Variants in COL2A1 observed in about 807,000 individuals in gnomAD.
The protein encoded by COL2A1 is collagen type II alpha 1 chain.
In COL2A1, 28 loss-of-function variants were observed where a neutral mutation model predicts 204.5. That is an observed-to-expected ratio of 0.14 (90% CI 0.10 to 0.19). The LOEUF is 0.19. Among genes scored for constraint, COL2A1 ranks in the 10% least tolerant of loss-of-function variants. The pLI is 1.00. For synonymous variants in COL2A1, 708 were observed against 718.7 expected (o/e 0.99, Z 0.24); for missense variants, 1,388 against 2,027.5 (o/e 0.68, Z 6.06).
intron 30 of COL2A1, 87 bp downstream of exon 30, chr12:47,983,596 G>T: frequency 6.7e-7 from 1 of 1,482,530 alleles, no homozygotes; most frequent in East Asian, 2.4e-5. Flanking sequence ...AAGAGGTGTG[G>T]GCCCTCCACC....
chr12:47,994,832 TTG>T (rs1216054567), intron 11 of COL2A1, among the ~76,000 whole-genome samples: 4 of 152,266 alleles, frequency 2.6e-5, no homozygotes. Context: ...GTGCCAATTC[TTG>T]TCTCTTCATT....
Position 48,000,049 on chromosome 12 carries a change from G to A in COL2A1, c.162C>T (p.Ile54=). The A allele has an allele frequency of 6.2e-6, 10 of 1,614,046 alleles. No individual in the cohort carries two copies. The highest frequency in any genetic ancestry group is 8.5e-6 in the Non-Finnish European group (10 of 1,179,996). The change falls in exon 2 of 54, where the codon ATC becomes ATT. Residue 54 remains isoleucine (I), a synonymous_variant. Transcript: ENST00000380518. ...GGACAGTCCCAGTGTCACAGACACAGATCCGGCAGGGCTCCGGCTTCCACA... is the reference window on the plus strand; with the variant it reads ...GGACAGTCCCAGTGTCACAGACACAAATCCGGCAGGGCTCCGGCTTCCACA... ...KDVWKPEPCR[I]CVCDTGTVLC...
chr12:47,975,723 G>T, intron 50 of COL2A1, 118 bp from the exon 51 acceptor site: 1 of 1,152,044 alleles, frequency 8.7e-7, no homozygotes, highest in East Asian at 2.5e-5. Flanking sequence ...GTGGGGCGGA[G>T]GTGTAGCAGG....
chr12:48,004,781 G>A (rs1172301332), upstream of COL2A1, among the ~76,000 whole-genome samples: 1 of 152,224 alleles, frequency 6.6e-6, no homozygotes, highest in Non-Finnish European at 1.5e-5. Flanking sequence ...CAGGCGGGAA[G>A]GGTGGCCTCC....
chr12:47,983,199 C>A (rs1939193995), intron 31 of COL2A1, 62 bp from the exon 32 acceptor site: 2 of 1,576,382 alleles, frequency 1.3e-6, no homozygotes, highest in South Asian at 1.1e-5. Context: ...CTGAACAATT[C>A]TCCACAGCAG....
intron 40 of COL2A1, 26 bp from the exon 41 acceptor site, chr12:47,979,590 A>G: frequency 2.1e-6 from 3 of 1,456,786 alleles, no homozygotes; most frequent in Non-Finnish European, 2.8e-6. Flanking sequence ...AGAGCCCCTG[A>G]GAACCTCAAG....
chr12:48,001,841 C>A (rs1940249947), intron 1 of COL2A1, among the ~76,000 whole-genome samples: 2 of 152,200 alleles, frequency 1.3e-5, no homozygotes, highest in South Asian at 4.1e-4. Context: ...AAACGGCTGC[C>A]GATAGCATCC....
intron 52 of COL2A1, 148 bp from the exon 53 acceptor site, chr12:47,974,479 G>GTGGAAA: frequency 7.8e-7 from 1 of 1,288,002 alleles, no homozygotes; most frequent in Non-Finnish European, 1.1e-6. Flanking sequence ...GCTTCCAGGA[G>GTGGAAA]TGGAGCAAGC....
chr12:47,973,372 T>G lies in COL2A1; in HGVS notation c.*35A>C. Reference sequence around the variant, plus strand: ...TGGAAAGTACTTGGGTCCTTTGGGTTTGCAACGGATTGTGTTGTTTCTGGG... The same window carrying G: ...TGGAAAGTACTTGGGTCCTTTGGGTGTGCAACGGATTGTGTTGTTTCTGGG... On this transcript the variant is annotated 3_prime_UTR_variant, in exon 54 of 54. Coordinates refer to ENST00000380518, the MANE Select transcript of COL2A1 (RefSeq NM_001844.5). 6.2e-7 allele frequency: 1 copy of G among 1,614,128 alleles called. No individual in the cohort carries two copies. The highest frequency in any genetic ancestry group is 8.5e-7 in the Non-Finnish European group (1 of 1,180,020).
Position 47,975,710 on chromosome 12 carries a change from T to C in COL2A1, c.3598-105A>G. 4 of 1,271,464 alleles carry C rather than the reference T, an allele frequency of 3.1e-6. No homozygotes were observed. The South Asian group carries it at 5.1e-5, about 16-fold the overall frequency. 78.8% of individuals were successfully genotyped at this position (1,271,464 alleles called of 1,614,324 possible). ...TAGAGTGTCCCTCTTCCCAGCCCCA[T>C]GGGTGGGGCGGAGGTGTAGCAGGCG... On this transcript the variant is annotated intron_variant, in intron 50 of 53. Transcript: ENST00000380518.
chr12:47,994,713 C>T (rs1218163499), intron 11 of COL2A1, among the ~76,000 whole-genome samples: 2 of 152,236 alleles, frequency 1.3e-5, no homozygotes, highest in Non-Finnish European at 2.9e-5. Context: ...CCTCCAACTT[C>T]CCCTGAGAGG....
Position 47,985,602 on chromosome 12 carries a change from G to C in COL2A1, c.1681-15C>G, listed in dbSNP as rs747357161. ...CCAGTGAGACCCTTTGTTCAGGAGA[G>C]AGAAGAGGGTGGGGTCAGGAGCCGG... On this transcript the variant is annotated splice_polypyrimidine_tract_variant and intron_variant, in intron 25 of 53. Coordinates refer to ENST00000380518, the MANE Select transcript of COL2A1 (RefSeq NM_001844.5). 6.2e-7 allele frequency: 1 copy of C among 1,613,948 alleles called. No homozygotes were observed. Among genetic ancestry groups the C allele is most frequent in the South Asian group, 1.1e-5 (1 of 91,076 alleles).
intron 35 of COL2A1, 64 bp from the exon 36 acceptor site, chr12:47,981,893 C>A: frequency 1.3e-6 from 2 of 1,520,604 alleles, no homozygotes; most frequent in Non-Finnish European, 1.8e-6. Flanking sequence ...TGCGGCCCGG[C>A]ACCAAGCCAA....
In COL2A1 at chr12:47,985,253, C is replaced by G. The variant is rs141048693; in HGVS notation, c.1735-160G>C. On this transcript the variant is annotated intron_variant, in intron 26 of 53. Transcript: ENST00000380518. ...ATCACACCCATGGGCCCATCTACAA[C>G]AAGACACCGCTGAGCTTAGAAAGCT... Among the ~76,000 whole-genome samples the G allele has an allele frequency of 1.1e-4, 16 of 152,318 alleles. 1 individual carries two copies. In the East Asian group the frequency reaches 3.1e-3, roughly 29 times the overall value.
In COL2A1 at chr12:47,976,201, G is replaced by T; in HGVS notation, c.3490-131C>A. ...CCCAGTTCTTCACATGCTCAGTCATGGAACCCTAAGTTGGTCTCTATTTGG... is the reference window on the plus strand; with the variant it reads ...CCCAGTTCTTCACATGCTCAGTCATTGAACCCTAAGTTGGTCTCTATTTGG... On this transcript the variant is annotated intron_variant, in intron 49 of 53. Coordinates refer to ENST00000380518, the MANE Select transcript of COL2A1 (RefSeq NM_001844.5). This position sits in a 1 kb window ranked among gnomAD's most constrained non-coding sequence, Gnocchi z 4.3. 1.3e-6 allele frequency: 1 copy of T among 766,544 alleles called. No individual in the cohort carries two copies. The highest frequency in any genetic ancestry group is 2.4e-6 in the Non-Finnish European group (1 of 424,188). The allele number at this position is 766,544 out of a possible 1,614,324, so 47.5% of individuals were successfully genotyped here.
In COL2A1 at chr12:47,977,352, G is replaced by A. The variant is rs753709490; in HGVS notation, c.3241C>T (p.Pro1081Ser). 5 of 1,613,574 alleles carry A rather than the reference G, an allele frequency of 3.1e-6. No homozygotes were observed. The highest frequency in any genetic ancestry group is 2.2e-5 in the East Asian group (1 of 44,898). The change falls in exon 46 of 54, where the codon CCA becomes TCA. Residue 1081 changes from proline (P) to serine (S), a missense_variant. By Grantham distance (74) the Pro-to-Ser change is moderately conservative. Coordinates refer to ENST00000380518, the MANE Select transcript of COL2A1 (RefSeq NM_001844.5). ...GPPGSPGPAG[P>S]TGKQGDRGEA... The stretch of plus-strand genomic sequence containing the variant: ...CCTCTGTCTCCTTGCTTGCCAGTTG[G>A]ACCAGCGGGGCCAGGGGAGCCAGGG...
At position 47,978,857 on chromosome 12, in the gene COL2A1, G is replaced by A. The variant is rs115194627; in HGVS notation, c.2734-99C>T. 5,521 of 1,297,336 alleles carry A rather than the reference G, an allele frequency of 4.3e-3. 159 individuals are homozygous for A. In the African/African-American group the frequency reaches 0.071, roughly 17 times the overall value. 80.4% of individuals were successfully genotyped at this position (1,297,336 alleles called of 1,614,324 possible). A position where few individuals can be genotyped will look rare whatever the true frequency, so the allele number is the denominator to read the frequency against. ...CTCAGTGACAGCAGTTTCCTCTCTG[G>A]GGGCTTCTCTACCTCCCCACACTAA... On this transcript the variant is annotated intron_variant, in intron 41 of 53. Coordinates refer to ENST00000380518, the MANE Select transcript of COL2A1 (RefSeq NM_001844.5). The surrounding 1 kb of genome is among the most constrained non-coding windows in gnomAD (Gnocchi z 5.5).
rs1034707112 is a variant in COL2A1 at position 47,980,514 on chromosome 12, T to G, written c.2625+40A>C. 1 of 1,542,058 alleles carries G rather than the reference T, an allele frequency of 6.5e-7. No homozygotes were observed. Among genetic ancestry groups the G allele is most frequent in the Non-Finnish European group, 8.8e-7 (1 of 1,132,562 alleles). ...CTTCCCATCTGCACGCCAGGAGCCC[T>G]TCCTTGAGGGAACAATTCTTGGAGT... On this transcript the variant is annotated intron_variant, in intron 39 of 53. Coordinates refer to ENST00000380518, the MANE Select transcript of COL2A1 (RefSeq NM_001844.5). This position sits in a 1 kb window ranked among gnomAD's most constrained non-coding sequence, Gnocchi z 4.5.
At chr12:47,973,749 C>T (rs1443544199) in intron 53 of COL2A1, among the ~76,000 whole-genome samples, 196 bp from the exon 54 acceptor site, 2 of 152,094 alleles carry the variant, frequency 1.3e-5, no homozygotes, top group Non-Finnish European at 2.9e-5. Context: ...AGCGGCAGGG[C>T]CCTTCTCCAC....
Sources: gnomAD v4.1 joint callset for allele counts (sites outside exome capture counted in the v4.1 genomes callset) on GRCh38, gnomAD v4.1.1 for gene constraint, Gnocchi (gnomAD v3.1) non-coding constraint, MANE v1.5 for transcripts, NCBI Gene and HGNC (gene_info 2026-07-23, HGNC 2026-07-21) for gene names.